GRID2: variants seen among roughly 807,000 people sequenced by gnomAD.
GRID2 encodes glutamate receptor ionotropic, delta-2.
In GRID2, 33 loss-of-function variants were observed where a neutral mutation model predicts 114.8. The observed-to-expected ratio is 0.29, with a 90% confidence interval of 0.22 to 0.38. The LOEUF (loss-of-function observed/expected upper bound fraction) is 0.38, where lower values mean the gene tolerates loss of function less well. Among genes scored for constraint, GRID2 ranks in the 10% least tolerant of loss-of-function variants. The pLI is 1.00. For missense variants in GRID2, 1,184 were observed against 1,257.7 expected, an observed-to-expected ratio of 0.94 and a Z score of 0.89; for synonymous variants, 505 against 449.9, an observed-to-expected ratio of 1.12 and a Z score of -1.55.
At chr4:93,159,436 G>A (rs1224365442) in intron 4 of GRID2, among the ~76,000 whole-genome samples, 2 of 151,744 alleles carry the variant, frequency 1.3e-5, no homozygotes, top group African/African-American at 4.8e-5. Flanking sequence ...TTGCAGATAG[G>A]ATGCTCCTTC....
At chr4:93,305,123 T>A (rs1035971466) in intron 8 of GRID2, among the ~76,000 whole-genome samples, 3 of 152,106 alleles carry the variant, frequency 2.0e-5, no homozygotes, top group African/African-American at 4.8e-5. Context: ...GTTCTGTGAC[T>A]CCCCAAAATG....
At chr4:93,248,389 TAGG>T (rs1309312205) in intron 8 of GRID2, among the ~76,000 whole-genome samples, 1 of 152,158 alleles carries the variant, frequency 6.6e-6, no homozygotes, top group Non-Finnish European at 1.5e-5. Flanking sequence ...CAGACAGTGA[TAGG>T]AGAGACTCAA....
chr4:93,587,149 C>T (rs1199895675), intron 13 of GRID2, among the ~76,000 whole-genome samples: 1 of 151,898 alleles, frequency 6.6e-6, no homozygotes, highest in Non-Finnish European at 1.5e-5. Context: ...AAACTTCTAC[C>T]CAGCATTCTT....
chr4:92,990,938 A>C (rs2149203500), intron 2 of GRID2, among the ~76,000 whole-genome samples: 1 of 152,328 alleles, frequency 6.6e-6, no homozygotes, highest in Admixed American at 6.5e-5. Context: ...TTGTTACTAA[A>C]GAATACTATA....
chr4:93,444,437 G>C (rs1007468594), intron 10 of GRID2, among the ~76,000 whole-genome samples: 2 of 151,934 alleles, frequency 1.3e-5, no homozygotes, highest in African/African-American at 4.8e-5. Context: ...TGATGTTTTT[G>C]TCACTATTGT....
Position 93,252,611 on chromosome 4 carries a change from A to G in GRID2, c.1245+14121A>G, listed in dbSNP as rs531383747. Among the ~76,000 whole-genome samples the G allele has an allele frequency of 2.8e-4, 42 of 152,230 alleles. No individual in the cohort carries two copies. In the South Asian group the frequency reaches 8.1e-3, roughly 29 times the overall value. ...TTTCCTATTTCTCTGAAGAATGTCA[A>G]TGGTAGTTTAATGGAAATAGCATTC... is the stretch of plus-strand genomic sequence containing the variant. On this transcript the variant is annotated intron_variant, in intron 8 of 15. Transcript: ENST00000282020.
chr4:93,710,027 T>A (rs1014428169), intron 14 of GRID2, among the ~76,000 whole-genome samples: 4 of 152,232 alleles, frequency 2.6e-5, no homozygotes, highest in African/African-American at 9.6e-5. Flanking sequence ...GAATTCTCTG[T>A]CTGAAAAGTC....
chr4:93,635,367 AG>A, intron 14 of GRID2, among the ~76,000 whole-genome samples: 1 of 150,002 alleles, frequency 6.7e-6, no homozygotes, highest in South Asian at 2.1e-4. Context: ...TCACTCTCAA[AG>A]GGAGACAGGA....
intron 2 of GRID2, among the ~76,000 whole-genome samples, chr4:92,782,946 T>G (rs1578185617): frequency 6.6e-6 from 1 of 152,226 alleles, no homozygotes; most frequent in East Asian, 1.9e-4. Flanking sequence ...TTTTCCAACC[T>G]TGTTAGAGAT....
intron 4 of GRID2, among the ~76,000 whole-genome samples, chr4:93,205,404 G>A (rs1010652125): frequency 9.2e-5 from 14 of 151,994 alleles, no homozygotes; most frequent in African/African-American, 2.9e-4. Flanking sequence ...AAGAACATGT[G>A]GTGTTTGGTT....
intron 13 of GRID2, among the ~76,000 whole-genome samples, chr4:93,519,619 A>G (rs953690785): frequency 5.3e-5 from 8 of 152,126 alleles, no homozygotes; most frequent in African/African-American, 1.9e-4. Flanking sequence ...AATCTATTAT[A>G]ACTCTTGGGG....
At chr4:93,524,290 T>C (rs1354477245) in intron 13 of GRID2, among the ~76,000 whole-genome samples, 1 of 152,130 alleles carries the variant, frequency 6.6e-6, no homozygotes, top group Non-Finnish European at 1.5e-5. Context: ...TTTTGCCAAA[T>C]GATTCCAACA....
chr4:93,453,036 C>G, intron 10 of GRID2, among the ~76,000 whole-genome samples: 1 of 129,602 alleles, frequency 7.7e-6, no homozygotes, highest in Non-Finnish European at 1.6e-5. Flanking sequence ...CTATCCCTCC[C>G]CCTCCCCCCA....
intron 13 of GRID2, among the ~76,000 whole-genome samples, chr4:93,622,808 CA>C (rs1409897486): frequency 6.6e-6 from 1 of 152,126 alleles, no homozygotes; most frequent in Non-Finnish European, 1.5e-5. Context: ...GGGATCTAAG[CA>C]AATTTATTAA....
intron 8 of GRID2, chr4:93,282,299 C>T: frequency 2.9e-6 from 1 of 348,528 alleles, no homozygotes; most frequent in South Asian, 2.2e-5. Context: ...AAGTACCTGC[C>T]TTAGTCCATT....
chr4:92,540,757 T>C (rs1313748173), intron 1 of GRID2, among the ~76,000 whole-genome samples: 2 of 152,064 alleles, frequency 1.3e-5, no homozygotes, highest in Non-Finnish European at 2.9e-5. Context: ...GATCTAGAAG[T>C]AGAAATACCA....
intron 14 of GRID2, among the ~76,000 whole-genome samples, chr4:93,653,921 A>G (rs548517150): frequency 6.6e-6 from 1 of 152,280 alleles, no homozygotes; most frequent in Non-Finnish European, 1.5e-5. Context: ...CATCTATGAA[A>G]TGTTCAAATA....
intron 2 of GRID2, among the ~76,000 whole-genome samples, chr4:92,930,046 CAGA>C (rs1471251083): frequency 2.0e-5 from 3 of 151,180 alleles, no homozygotes; most frequent in Non-Finnish European, 4.4e-5. Context: ...TTGCCCACCA[CAGA>C]AGAAGAAAAT....
chr4:92,673,449 T>C (rs1429279747), intron 2 of GRID2, among the ~76,000 whole-genome samples: 3 of 152,184 alleles, frequency 2.0e-5, no homozygotes. Flanking sequence ...TTTAATAAAA[T>C]ATTTAACATA....
Sources: allele counts gnomAD v4.1 joint callset (sites outside exome capture counted in the v4.1 genomes callset), GRCh38; gene constraint gnomAD v4.1.1; transcripts MANE v1.5; gene names NCBI Gene and HGNC (gene_info 2026-07-23, HGNC 2026-07-21).